Variants in IGFL2 observed in about 807,000 individuals in gnomAD.
IGFL2 encodes IGF like family member 2.
A neutral mutation model predicts 13.9 loss-of-function variants in IGFL2; 7 were observed. The observed-to-expected ratio is 0.51, with a 90% CI of 0.29 to 0.95. The LOEUF (loss-of-function observed/expected upper bound fraction) is 0.95. IGFL2 is among the 40% of genes least tolerant of loss of function. The probability of loss-of-function intolerance (pLI) is 0.08; values close to 1 mark genes in which losing one functional copy is unlikely to be tolerated. For missense variants in IGFL2, 138 were observed against 147.8 expected (o/e 0.93, Z 0.34); for synonymous variants, 55 against 55.8 (o/e 0.99, Z 0.07).
chr19:46,085,910 A>G, the IGFL2 span, among the ~76,000 whole-genome samples: 1 of 152,220 alleles, frequency 6.6e-6, no homozygotes, highest in African/African-American at 2.4e-5. Context: ...GAAACCATAC[A>G]GGAACATTGG....
At chr19:46,194,844 ATATATATATTTTTTTTTTTT>A in the IGFL2 span, among the ~76,000 whole-genome samples, 5 of 33,146 alleles carry the variant, frequency 1.5e-4, no homozygotes, top group Admixed American at 1.0e-3. Context: ...ATATATATAT[ATATATATATTTTTTTTTTTT>A]TTTTTTTTTT....
At chr19:46,129,752 T>G in the IGFL2 span, among the ~76,000 whole-genome samples, 1 of 152,068 alleles carries the variant, frequency 6.6e-6, no homozygotes, top group Non-Finnish European at 1.5e-5. Flanking sequence ...GGTTCTTTTG[T>G]GTTTGCTGAG....
the IGFL2 span, among the ~76,000 whole-genome samples, chr19:46,088,286 C>A: frequency 2.1e-4 from 32 of 152,292 alleles, no homozygotes; most frequent in African/African-American, 3.1e-4. Flanking sequence ...GTGTTAAAGT[C>A]TTTCCTTTAT....
upstream of IGFL2, among the ~76,000 whole-genome samples, chr19:46,144,472 A>T (rs1307926718): frequency 6.6e-6 from 1 of 152,136 alleles, no homozygotes. Context: ...ATCATATCAT[A>T]CCATATCTCA....
chr19:46,131,577 A>G, the IGFL2 span, among the ~76,000 whole-genome samples: 174 of 152,294 alleles, frequency 1.1e-3, no homozygotes, highest in African/African-American at 4.0e-3. Flanking sequence ...TTTGCTGTCA[A>G]CACCCATTTA....
the IGFL2 span, among the ~76,000 whole-genome samples, chr19:46,166,830 C>T: frequency 2.0e-5 from 3 of 152,204 alleles, no homozygotes; most frequent in African/African-American, 7.2e-5. Flanking sequence ...CACCGGCGGT[C>T]AGAGTTTAAG....
the IGFL2 span, chr19:46,214,637 C>G: frequency 1.3e-5 from 2 of 151,982 alleles, no homozygotes; most frequent in Non-Finnish European, 2.9e-5. Context: ...GGCCTTCATC[C>G]ACTCATGTCC....
chr19:46,153,157 C>T (rs938528493), intron 1 of IGFL2, among the ~76,000 whole-genome samples: 26 of 152,042 alleles, frequency 1.7e-4, no homozygotes, highest in African/African-American at 5.6e-4. Flanking sequence ...TGTCTGGTTT[C>T]GGTATCAGGG....
the IGFL2 span, among the ~76,000 whole-genome samples, chr19:46,181,569 G>A: frequency 5.4e-3 from 829 of 152,242 alleles, 5 homozygotes; most frequent in African/African-American, 0.019. Context: ...TTAGCACTTC[G>A]GCAGACCCAG....
chr19:46,189,377 G>A, the IGFL2 span: 3 of 152,452 alleles, frequency 2.0e-5, no homozygotes, highest in African/African-American at 7.2e-5. Context: ...TGACTGCTCT[G>A]AAGCACAGCA....
At chr19:46,086,198 A>C in the IGFL2 span, among the ~76,000 whole-genome samples, 87 of 152,068 alleles carry the variant, frequency 5.7e-4, 1 homozygote, top group Non-Finnish European at 9.9e-4. Context: ...TTTGGTGATA[A>C]ATTTCTCATT....
chr19:46,201,353 C>G, the IGFL2 span, among the ~76,000 whole-genome samples: 5 of 152,260 alleles, frequency 3.3e-5, no homozygotes, highest in African/African-American at 1.2e-4. Flanking sequence ...TTGCTGCCCA[C>G]TCCAGTCTCC....
intron 1 of IGFL2, chr19:46,159,822 C>T (rs1190427299): frequency 1.3e-5 from 2 of 152,624 alleles, no homozygotes; most frequent in African/African-American, 4.8e-5. Flanking sequence ...TAGAAAATTA[C>T]CTGGGCATGG....
At chr19:46,180,393 G>A in the IGFL2 span, among the ~76,000 whole-genome samples, 1 of 152,052 alleles carries the variant, frequency 6.6e-6, no homozygotes, top group Non-Finnish European at 1.5e-5. Context: ...TGACCAGGCT[G>A]GTCTCGAACT....
chr19:46,136,971 G>T, the IGFL2 span: 1 of 1,451,510 alleles, frequency 6.9e-7, no homozygotes. Context: ...CTGTATATCT[G>T]TGTTTTGTCC....
the IGFL2 span, among the ~76,000 whole-genome samples, chr19:46,181,875 A>G: frequency 5.9e-5 from 9 of 151,964 alleles, no homozygotes; most frequent in Non-Finnish European, 1.3e-4. Context: ...GATTGTTACA[A>G]CCTGATTACC....
the IGFL2 span, among the ~76,000 whole-genome samples, chr19:46,128,211 G>T: frequency 6.6e-6 from 1 of 152,084 alleles, no homozygotes; most frequent in South Asian, 2.1e-4. Flanking sequence ...CTGCAACTTC[G>T]CTGAAGTTGC....
the IGFL2 span, among the ~76,000 whole-genome samples, chr19:46,187,037 C>T: frequency 6.6e-6 from 1 of 152,230 alleles, no homozygotes; most frequent in Admixed American, 6.5e-5. Context: ...TAAGGATGAG[C>T]ACTTGCTTAT....
intron 1 of IGFL2, among the ~76,000 whole-genome samples, chr19:46,154,933 G>A (rs958780776): frequency 3.9e-5 from 6 of 152,132 alleles, no homozygotes; most frequent in Non-Finnish European, 5.9e-5. Context: ...CCTCTCCCCC[G>A]GGCAGAACCG....
Sources: gnomAD v4.1 joint callset for allele counts (sites outside exome capture counted in the v4.1 genomes callset) on GRCh38, gnomAD v4.1.1 for gene constraint, MANE v1.5 for transcripts, NCBI Gene and HGNC (gene_info 2026-07-23, HGNC 2026-07-21) for gene names.